GRID2: variants seen among roughly 807,000 people sequenced by gnomAD.
GRID2 encodes the protein glutamate receptor ionotropic, delta-2.
In GRID2, 33 loss-of-function variants were observed where a neutral mutation model predicts 114.8. That is an observed-to-expected ratio of 0.29 (90% CI 0.22 to 0.38). The LOEUF (loss-of-function observed/expected upper bound fraction) is 0.38, where lower values mean the gene tolerates loss of function less well. Ranked by LOEUF, GRID2 falls within the 10% of genes least tolerant of loss-of-function variation. The pLI is 1.00. For missense variants in GRID2, 1,184 were observed against 1,257.7 expected, an observed-to-expected ratio of 0.94 and a Z score of 0.89; for synonymous variants, 505 against 449.9, an observed-to-expected ratio of 1.12 and a Z score of -1.55.
chr4:93,123,563 G>A (rs1019067698), intron 4 of GRID2, among the ~76,000 whole-genome samples: 1 of 152,144 alleles, frequency 6.6e-6, no homozygotes, highest in Non-Finnish European at 1.5e-5. Flanking sequence ...AAGGGATATA[G>A]ACTCATAAGG....
At chr4:93,204,616 C>T (rs1408186259) in intron 4 of GRID2, among the ~76,000 whole-genome samples, 1 of 152,102 alleles carries the variant, frequency 6.6e-6, no homozygotes, top group African/African-American at 2.4e-5. Flanking sequence ...CACTGAAATA[C>T]AGGATTTGTG....
At chr4:92,728,424 G>T (rs984684956) in intron 2 of GRID2, among the ~76,000 whole-genome samples, 2 of 152,048 alleles carry the variant, frequency 1.3e-5, no homozygotes, top group African/African-American at 4.8e-5. Context: ...TGGGAAATTG[G>T]AGATCTACTT....
intron 2 of GRID2, among the ~76,000 whole-genome samples, chr4:92,897,587 T>G (rs1355778140): frequency 6.6e-6 from 1 of 152,172 alleles, no homozygotes; most frequent in Non-Finnish European, 1.5e-5. Flanking sequence ...TGCAGAATAG[T>G]TATTGTAAAC....
chr4:93,135,923 C>T (rs1434855268), intron 4 of GRID2, among the ~76,000 whole-genome samples: 2 of 152,118 alleles, frequency 1.3e-5, no homozygotes, highest in Non-Finnish European at 2.9e-5. Context: ...CTTACCACTG[C>T]TTTTTATAAA....
chr4:93,227,652 G>T (rs1745652933), intron 7 of GRID2, among the ~76,000 whole-genome samples: 1 of 152,052 alleles, frequency 6.6e-6, no homozygotes, highest in Admixed American at 6.6e-5. Context: ...ATTATGTTAT[G>T]TACAGGTAAA....
intron 2 of GRID2, among the ~76,000 whole-genome samples, chr4:92,950,325 A>G (rs1251525350): frequency 6.6e-6 from 1 of 152,176 alleles, no homozygotes; most frequent in African/African-American, 2.4e-5. Context: ...TAAATCTTGG[A>G]CATAAACAAC....
intron 11 of GRID2, among the ~76,000 whole-genome samples, chr4:93,460,374 C>T (rs373244311): frequency 7.2e-5 from 11 of 152,280 alleles, no homozygotes; most frequent in Non-Finnish European, 1.3e-4. Flanking sequence ...TTTGTATCTG[C>T]TCTTTCCAAT....
chr4:93,632,698 G>A (rs967170185), intron 14 of GRID2, among the ~76,000 whole-genome samples: 7 of 152,080 alleles, frequency 4.6e-5, no homozygotes, highest in African/African-American at 9.7e-5. Flanking sequence ...TTGGCAATGC[G>A]GGCTCTTTTT....
chr4:93,211,122 AT>A (rs1222582155), intron 5 of GRID2, among the ~76,000 whole-genome samples: 5 of 151,970 alleles, frequency 3.3e-5, no homozygotes, highest in South Asian at 2.1e-4. Flanking sequence ...CCCTTAATTA[AT>A]TTTTTTTAAT....
chr4:92,664,014 A>G (rs905532696), intron 2 of GRID2, among the ~76,000 whole-genome samples: 2 of 151,072 alleles, frequency 1.3e-5, no homozygotes, highest in Non-Finnish European at 3.0e-5. Flanking sequence ...CATTTTACTT[A>G]TCTTTGCTCT....
chr4:93,039,100 A>G (rs1725233030), intron 2 of GRID2, among the ~76,000 whole-genome samples: 1 of 152,220 alleles, frequency 6.6e-6, no homozygotes, highest in African/African-American at 2.4e-5. Context: ...TGGATAAAGA[A>G]AATGTGGCAC....
At chr4:93,024,154 T>A (rs1215310749) in intron 2 of GRID2, among the ~76,000 whole-genome samples, 2 of 151,796 alleles carry the variant, frequency 1.3e-5, no homozygotes, top group African/African-American at 4.8e-5. Flanking sequence ...TTTGTAAATG[T>A]CATAATTTCA....
chr4:93,535,264 ACACAC>A (rs1380645403), intron 13 of GRID2, among the ~76,000 whole-genome samples: 2 of 150,120 alleles, frequency 1.3e-5, no homozygotes, highest in Non-Finnish European at 3.0e-5. Context: ...ACACACACAC[ACACAC>A]ACCACATTTT....
At chr4:92,502,999 C>A (rs907231458) in intron 1 of GRID2, among the ~76,000 whole-genome samples, 1 of 151,652 alleles carries the variant, frequency 6.6e-6, no homozygotes, top group Admixed American at 6.6e-5. Context: ...TACAGACATG[C>A]CATATGATTT....
chr4:92,598,368 T>C lies in GRID2; in HGVS notation c.244+8082T>C, dbSNP rs1025004576. ...TAACCTAGTGTTAGGTCCTGACCTA[T>C]GTGTACCTCTCTTCTTTTTGCCCTC... On this transcript the variant is annotated intron_variant, in intron 2 of 15. Coordinates refer to ENST00000282020, the MANE Select transcript of GRID2 (RefSeq NM_001510.4). 2.0e-5 allele frequency among the ~76,000 whole-genome samples: 3 copies of C among 152,140 alleles called. No individual in the cohort carries two copies. In the East Asian group the frequency reaches 5.8e-4, roughly 29 times the overall value.
chr4:92,589,455 T>C (rs1341868721), intron 1 of GRID2, among the ~76,000 whole-genome samples: 1 of 152,184 alleles, frequency 6.6e-6, no homozygotes, highest in Non-Finnish European at 1.5e-5. Context: ...ACCAATCAAA[T>C]AGTCAATAAA....
intron 2 of GRID2, among the ~76,000 whole-genome samples, chr4:92,677,496 C>T (rs1733430100): frequency 6.6e-6 from 1 of 152,080 alleles, no homozygotes. Flanking sequence ...ATCCACTGGC[C>T]TCTTTCTCAT....
intron 2 of GRID2, among the ~76,000 whole-genome samples, chr4:92,991,184 CTT>C (rs1754882745): frequency 6.6e-6 from 1 of 152,070 alleles, no homozygotes; most frequent in Non-Finnish European, 1.5e-5. Context: ...GAAACCCTGA[CTT>C]TGTTTAAATT....
intron 1 of GRID2, among the ~76,000 whole-genome samples, chr4:92,417,393 A>G (rs1731665948): frequency 6.6e-6 from 1 of 152,118 alleles, no homozygotes; most frequent in Non-Finnish European, 1.5e-5. Context: ...TGGAAACTTA[A>G]TTCTCAGTGC....
Sources: gnomAD v4.1 joint callset for allele counts (sites outside exome capture counted in the v4.1 genomes callset) on GRCh38, gnomAD v4.1.1 for gene constraint, MANE v1.5 for transcripts, NCBI Gene and HGNC (gene_info 2026-07-23, HGNC 2026-07-21) for gene names.